Variants in PITRM1 observed in about 807,000 individuals in gnomAD.
PITRM1 encodes pitrilysin metallopeptidase 1, also known as presequence protease, mitochondrial.
A neutral mutation model predicts 129.9 loss-of-function variants in PITRM1; 100 were observed. The ratio of observed to expected loss-of-function variants is 0.77; its 90% CI spans 0.65 to 0.91. The LOEUF (loss-of-function observed/expected upper bound fraction) is 0.91, where lower values mean the gene tolerates loss of function less well. Ranked by LOEUF, PITRM1 falls within the 40% of genes least tolerant of loss-of-function variation. The pLI is 0.00. For synonymous variants in PITRM1, 591 were observed against 508.8 expected, an observed-to-expected ratio of 1.16 and a Z score of -2.17; for missense variants, 1,471 against 1,318.3, an observed-to-expected ratio of 1.12 and a Z score of -1.79.
rs928445139 is a variant in PITRM1, at chr10:3,161,900, C to T, written c.792-1570G>A. Among the ~76,000 whole-genome samples, 21 of 151,408 alleles carry T rather than the reference C, an allele frequency of 1.4e-4. No homozygotes were observed. In the South Asian group the frequency reaches 1.5e-3, roughly 11 times the overall value. The stretch of plus-strand genomic sequence containing the variant: ...AAAGAACTCTCTTCTCCATGTTGGG[C>T]GCAGTGGCTCACACCTGTAATCCCA... On this transcript the variant is annotated intron_variant, in intron 7 of 26. Transcript: ENST00000224949.
At chr10:3,146,460 G>A (rs939864325) in intron 20 of PITRM1, 11 of 152,388 alleles carry the variant, frequency 7.2e-5, no homozygotes, top group Admixed American at 2.0e-4. Flanking sequence ...GCCTGGGAGC[G>A]AGTGTGAGTG....
At chr10:3,161,719 G>A (rs112804452) in intron 7 of PITRM1, among the ~76,000 whole-genome samples, 6 of 151,980 alleles carry the variant, frequency 3.9e-5, no homozygotes, top group Non-Finnish European at 5.9e-5. Flanking sequence ...AGACCAAAAC[G>A]GGCCCACAGC....
Position 3,157,455 on chromosome 10 carries a change from A to G in PITRM1, c.1327T>C (p.Phe443Leu). ...EIQMKHQSTSFGLMLTSYIAS... is the reference protein window; with the variant it reads ...EIQMKHQSTSLGLMLTSYIAS... ...CTTACTGATGTCAGCATCAGCCCAA[A>G]GCTGGTAGACTGATGTTTCATCTGT... is the stretch of plus-strand genomic sequence containing the variant. The change falls in exon 12 of 27, where the codon TTT becomes CTT. Residue 443 changes from phenylalanine (F) to leucine (L), a missense_variant. Phe to Leu is a conservative substitution (Grantham distance 22, BLOSUM62 0). Transcript: ENST00000224949. 8.1e-6 allele frequency: 13 copies of G among 1,608,684 alleles called. No homozygotes were observed. The highest frequency in any genetic ancestry group is 1.1e-5 in the Non-Finnish European group (13 of 1,176,644).
chr10:3,142,397 C>T (rs73577188), intron 23 of PITRM1, among the ~76,000 whole-genome samples: 3,079 of 152,342 alleles, frequency 0.02, 99 homozygotes, highest in African/African-American at 0.071. Context: ...CCTGCCTTCC[C>T]CCTCTCTACC....
At chr10:3,172,808 CT>C (rs1554805718), upstream of PITRM1, 4 of 1,458,862 alleles carry the variant, frequency 2.7e-6, no homozygotes, top group South Asian at 2.5e-5. Context: ...GAGGAACCCC[CT>C]CTTAACCCGA....
chr10:3,159,036 G>C lies in PITRM1; in HGVS notation c.1014C>G (p.Thr338=). The C allele has an allele frequency of 6.2e-7, 1 of 1,607,858 alleles. No individual in the cohort carries two copies. ...TTAATGTGAAGGCTTCAAATGTGTC[G>C]GTGATGCTGCATTGAAAAAAAAAGG... ...ISVSFLLPDI[T]DTFEAFTLSL... is the part of the protein sequence containing the mutation. The change falls in exon 10 of 27, where the codon ACC becomes ACG. Residue 338 remains threonine, a synonymous_variant. Coordinates refer to ENST00000224949, the MANE Select transcript of PITRM1 (RefSeq NM_014889.4).
At chr10:3,149,573 A>C (rs749592445) in intron 16 of PITRM1, 48 bp downstream of exon 16, 6 of 1,503,180 alleles carry the variant, frequency 4.0e-6, no homozygotes, top group African/African-American at 1.4e-5. Context: ...AGATATGCAC[A>C]CAAAGCAGAC....
At chr10:3,151,179 T>A in intron 15 of PITRM1, 68 bp downstream of exon 15, 1 of 842,848 alleles carries the variant, frequency 1.2e-6, no homozygotes, top group Non-Finnish European at 2.0e-6. Context: ...CTACTGCTTC[T>A]GTGAGGAGTG....
chr10:3,157,426 A>T lies in PITRM1; in HGVS notation c.1347+9T>A. On this transcript the variant is annotated intron_variant, in intron 12 of 26. Transcript: ENST00000224949. ...AAAACAAAAACAAAATTGTTGAGAG[A>T]TCACTTACTGATGTCAGCATCAGCC... The T allele has an allele frequency of 3.2e-6, 5 of 1,548,750 alleles. No individual in the cohort carries two copies. Among genetic ancestry groups the T allele is most frequent in the Non-Finnish European group, 4.4e-6 (5 of 1,134,592 alleles).
rs1306567994 is a variant in PITRM1 at position 3,143,434 on chromosome 10, C to A, written c.2600G>T (p.Gly867Val). The change falls in exon 23 of 27, where the codon GGT (glycine) becomes GTT (valine). Residue 867 changes from glycine to valine, a missense_variant. By Grantham distance (109) the Gly-to-Val change is moderately radical (BLOSUM62 -3). Transcript: ENST00000224949. ...GTAGGGGACAGTTCGGATGCATTCA[C>A]CCACGTAATTCACCGGGAAGGGCAT... ...FLMPFPVNYV[G>V]ECIRTVPYTD... The A allele has an allele frequency of 6.2e-7, 1 of 1,613,804 alleles. No homozygotes were observed. Among genetic ancestry groups the A allele is most frequent in the Admixed American group, 1.7e-5 (1 of 60,020 alleles).
chr10:3,167,168 T>A, intron 2 of PITRM1, 126 bp from the exon 3 acceptor site: 1 of 617,586 alleles, frequency 1.6e-6, no homozygotes, highest in East Asian at 2.8e-5. Flanking sequence ...AAGGCAGTAT[T>A]TCAGAGCTGG....
At chr10:3,153,779 TA>T (rs1841728907) in intron 14 of PITRM1, among the ~76,000 whole-genome samples, 1 of 152,232 alleles carries the variant, frequency 6.6e-6, no homozygotes, top group Non-Finnish European at 1.5e-5. Context: ...ACTTTCCACC[TA>T]ACGTCCACTC....
rs1342078126 is a variant in PITRM1 at position 3,158,014 on chromosome 10, G to T, written c.1250+26C>A. ...CACACAGGAATGAGGAACGAAAGCA[G>T]ATTGTTACAAACAAGCTACACTCAC... On this transcript the variant is annotated intron_variant, in intron 11 of 26. Transcript: ENST00000224949. 26 of 1,397,782 alleles carry T rather than the reference G, an allele frequency of 1.9e-5. No individual in the cohort carries two copies. The East Asian group carries it at 5.7e-4, about 31-fold the overall frequency. 86.6% of individuals were successfully genotyped at this position (1,397,782 alleles called of 1,614,324 possible).
upstream of PITRM1, chr10:3,172,789 C>G (rs747853418): frequency 2.0e-6 from 3 of 1,506,858 alleles, no homozygotes; most frequent in Admixed American, 4.3e-5. Flanking sequence ...TGACGAGCAC[C>G]TGGCTGGCGA....
intron 2 of PITRM1, among the ~76,000 whole-genome samples, chr10:3,167,275 A>AAG (rs201491690): frequency 2.4e-5 from 3 of 124,726 alleles, no homozygotes; most frequent in African/African-American, 5.9e-5. Context: ...TGTGTATAGA[A>AAG]AGAGAGAGAG....
intron 2 of PITRM1, among the ~76,000 whole-genome samples, chr10:3,168,914 CTACACACACACACACACA>C (rs1843108348): frequency 7.3e-6 from 1 of 137,548 alleles, no homozygotes; most frequent in African/African-American, 2.7e-5. Context: ...AAGTTTCCAT[CTACACACACACACACACA>C]CACACACACA....
At chr10:3,145,517 G>A (rs1478695846) in intron 21 of PITRM1, 79 bp downstream of exon 21, 1 of 1,232,742 alleles carries the variant, frequency 8.1e-7, no homozygotes, top group Non-Finnish European at 1.1e-6. Flanking sequence ...TCTGAGAATT[G>A]AGTTAATGCG....
At position 3,145,618 on chromosome 10, in the gene PITRM1, G is replaced by A; in HGVS notation, c.2435C>T (p.Pro812Leu). 1 of 1,549,974 alleles carries A rather than the reference G, an allele frequency of 6.5e-7. No homozygotes were observed. The highest frequency in any genetic ancestry group is 2.4e-5 in the East Asian group (1 of 40,922). ...SIGRSKKERR[P>L]VRPHTVEKPV... is the part of the protein sequence containing the mutation. ...TACCTCGACCGTGTGTGGGCGCACA[G>A]GCCTCCGTTCCTTTTTACTCCGACC... Residue 812 changes from proline (P) to leucine (L), a missense_variant, in exon 21 of 27, where the codon CCT (proline) becomes CTT (leucine). Coordinates refer to ENST00000224949, the MANE Select transcript of PITRM1 (RefSeq NM_014889.4).
chr10:3,149,481 A>G (rs1463701910), intron 16 of PITRM1, 140 bp downstream of exon 16: 2 of 790,754 alleles, frequency 2.5e-6, no homozygotes. Flanking sequence ...ATTCTAAACC[A>G]ATATATTGTA....
Sources: allele counts gnomAD v4.1 joint callset (sites outside exome capture counted in the v4.1 genomes callset), GRCh38; gene constraint gnomAD v4.1.1; transcripts MANE v1.5; gene names NCBI Gene and HGNC (gene_info 2026-07-23, HGNC 2026-07-21).